MYRIP: variants seen among roughly 807,000 people sequenced by gnomAD.
MYRIP encodes the protein rab effector MyRIP.
Under a neutral mutation model 98.0 loss-of-function variants are expected in MYRIP, and 49 were observed. The ratio of observed to expected loss-of-function variants is 0.50; its 90% CI spans 0.40 to 0.63. The LOEUF (loss-of-function observed/expected upper bound fraction) is 0.63. Among genes scored for constraint, MYRIP ranks in the 30% least tolerant of loss-of-function variants. The pLI is 0.00. For missense variants in MYRIP, 1,004 were observed against 1,058.2 expected, an observed-to-expected ratio of 0.95 and a Z score of 0.71; for synonymous variants, 404 against 409.5, an observed-to-expected ratio of 0.99 and a Z score of 0.16.
In MYRIP at chr3:40,062,713, G is replaced by GT. The variant is rs1443557859; in HGVS notation, c.332+18442_332+18443insT. Among the ~76,000 whole-genome samples, 6 of 152,178 alleles carry GT rather than the reference G, an allele frequency of 3.9e-5. No homozygotes were observed. In the East Asian group the frequency reaches 1.2e-3, roughly 29 times the overall value. ...CAAAAATATACTTGCCAGGCACCGT[G>GT]GAAAAAATAAATTGTAAATATAATT... On this transcript the variant is annotated intron_variant, in intron 3 of 16. Transcript: ENST00000302541.
chr3:39,910,356 C>T (rs1943990731), intron 2 of MYRIP, among the ~76,000 whole-genome samples: 1 of 152,190 alleles, frequency 6.6e-6, no homozygotes, highest in Non-Finnish European at 1.5e-5. Context: ...AAAACAAGGA[C>T]ATTCAGGTGC....
intron 1 of MYRIP, among the ~76,000 whole-genome samples, chr3:39,871,686 T>C (rs1364924890): frequency 6.6e-6 from 1 of 152,118 alleles, no homozygotes; most frequent in Non-Finnish European, 1.5e-5. Context: ...GCTACTATCA[T>C]TATTATTAAT....
At chr3:40,115,880 C>T (rs1413565178) in intron 3 of MYRIP, among the ~76,000 whole-genome samples, 1 of 151,852 alleles carries the variant, frequency 6.6e-6, no homozygotes, top group Non-Finnish European at 1.5e-5. Flanking sequence ...AAGTGGGCTT[C>T]CGTAAGAGAT....
In MYRIP at chr3:40,209,858, C is replaced by T. The variant is rs201954262; in HGVS notation, c.1670C>T (p.Ser557Leu). The stretch of plus-strand genomic sequence containing the variant: ...ATGATTCTGGCTTTCATTTAGGTGT[C>T]GGATGATTTATCAGAGACAGACATC... ...QLRDLDTHQV[S>L]DDLSETDISN... Residue 557 changes from serine to leucine, a missense_variant, in exon 11 of 17, where the codon TCG (serine) becomes TTG (leucine). By Grantham distance (145) the Ser-to-Leu change is moderately radical. Coordinates refer to ENST00000302541, the MANE Select transcript of MYRIP (RefSeq NM_015460.4). 145 of 1,613,664 alleles carry T rather than the reference C, an allele frequency of 9.0e-5. No homozygotes were observed. The highest frequency in any genetic ancestry group is 1.6e-4 in the Middle Eastern group (1 of 6,078).
At chr3:39,838,732 T>C (rs1575290917) in intron 1 of MYRIP, among the ~76,000 whole-genome samples, 1 of 152,328 alleles carries the variant, frequency 6.6e-6, no homozygotes, top group African/African-American at 2.4e-5. Context: ...ATAAAATCAG[T>C]TAGGGAGGAG....
chr3:39,870,124 G>T (rs1942741990), intron 1 of MYRIP, among the ~76,000 whole-genome samples: 1 of 152,192 alleles, frequency 6.6e-6, no homozygotes, highest in Admixed American at 6.5e-5. Context: ...AGGGGCAGGG[G>T]CATAGCAGGG....
chr3:40,039,452 T>C (rs938589783), intron 2 of MYRIP, among the ~76,000 whole-genome samples: 7 of 152,072 alleles, frequency 4.6e-5, no homozygotes, highest in Non-Finnish European at 1.0e-4. Context: ...TTCAAGAATG[T>C]AAGAATAATC....
chr3:40,191,622 A>G (rs1951211890), intron 10 of MYRIP, among the ~76,000 whole-genome samples: 1 of 152,192 alleles, frequency 6.6e-6, no homozygotes, highest in African/African-American at 2.4e-5. Flanking sequence ...TCCTCAAGTC[A>G]TAGAATTTGG....
At chr3:40,231,868 A>C (rs985969952) in intron 11 of MYRIP, among the ~76,000 whole-genome samples, 1 of 152,182 alleles carries the variant, frequency 6.6e-6, no homozygotes, top group African/African-American at 2.4e-5. Flanking sequence ...AACACGTTTT[A>C]TTCCTAATAA....
At chr3:39,967,734 T>C (rs553165869) in intron 2 of MYRIP, among the ~76,000 whole-genome samples, 4 of 152,264 alleles carry the variant, frequency 2.6e-5, no homozygotes, top group East Asian at 3.9e-4. Flanking sequence ...CCTGCAACCT[T>C]GCCAGCATCT....
intron 2 of MYRIP, among the ~76,000 whole-genome samples, chr3:39,964,745 T>C (rs914367351): frequency 1.3e-5 from 2 of 152,184 alleles, no homozygotes; most frequent in South Asian, 2.1e-4. Context: ...TGGAATTATA[T>C]ACTGCTTTGA....
At chr3:39,903,093 T>C (rs938883376) in intron 2 of MYRIP, among the ~76,000 whole-genome samples, 3 of 152,202 alleles carry the variant, frequency 2.0e-5, no homozygotes, top group African/African-American at 7.2e-5. Context: ...CCTCTGCCCA[T>C]GACCAGTGAC....
intron 2 of MYRIP, among the ~76,000 whole-genome samples, chr3:39,909,673 G>A (rs1943969322): frequency 6.6e-6 from 1 of 152,124 alleles, no homozygotes; most frequent in African/African-American, 2.4e-5. Flanking sequence ...ACATAGGTCT[G>A]AGCAGCAGGG....
chr3:40,075,360 A>G (rs2125863248), intron 3 of MYRIP, among the ~76,000 whole-genome samples: 1 of 152,374 alleles, frequency 6.6e-6, no homozygotes, highest in Admixed American at 6.5e-5. Flanking sequence ...AATGTTCATT[A>G]ATCAAGGACT....
At chr3:39,981,759 C>T (rs1156953512) in intron 2 of MYRIP, among the ~76,000 whole-genome samples, 4 of 152,092 alleles carry the variant, frequency 2.6e-5, no homozygotes, top group Admixed American at 6.6e-5. Flanking sequence ...ACATATGTTA[C>T]GTATAAGACA....
At chr3:40,186,438 A>G (rs1951036177) in intron 9 of MYRIP, among the ~76,000 whole-genome samples, 1 of 152,096 alleles carries the variant, frequency 6.6e-6, no homozygotes, top group Non-Finnish European at 1.5e-5. Context: ...GCAATAAATG[A>G]CTTGTTACTG....
intron 2 of MYRIP, among the ~76,000 whole-genome samples, chr3:40,038,523 A>G (rs1013284062): frequency 6.6e-6 from 1 of 152,134 alleles, no homozygotes; most frequent in Admixed American, 6.6e-5. Context: ...TGAACAAGGG[A>G]CAAATAAACA....
chr3:40,034,887 G>A (rs1313257024), intron 2 of MYRIP, among the ~76,000 whole-genome samples: 1 of 151,494 alleles, frequency 6.6e-6, no homozygotes, highest in Admixed American at 6.6e-5. Flanking sequence ...GGAATACTAT[G>A]CAGCCATAAA....
intron 3 of MYRIP, among the ~76,000 whole-genome samples, chr3:40,103,729 A>G (rs62261792): frequency 0.12 from 18,670 of 152,246 alleles, 1,533 homozygotes; most frequent in Non-Finnish European, 0.18. Flanking sequence ...ATTGCACTCC[A>G]GCCTGGGCAA....
Sources: gnomAD v4.1 joint callset for allele counts (sites outside exome capture counted in the v4.1 genomes callset) on GRCh38, gnomAD v4.1.1 for gene constraint, MANE v1.5 for transcripts, NCBI Gene and HGNC (gene_info 2026-07-23, HGNC 2026-07-21) for gene names.